The following PTPRT variants were observed in gnomAD, a reference collection of about 807,000 sequenced individuals.
PTPRT encodes protein tyrosine phosphatase receptor type T.
In PTPRT, 56 loss-of-function variants were observed where a neutral mutation model predicts 176.8. The ratio of observed to expected loss-of-function variants is 0.32; its 90% CI spans 0.26 to 0.40. PTPRT has a LOEUF of 0.40. PTPRT is among the 10% of genes least tolerant of loss of function. The pLI, the probability that PTPRT is intolerant of heterozygous loss-of-function variation, is 1.00. For missense variants in PTPRT, 1,540 were observed against 1,908.2 expected, an observed-to-expected ratio of 0.81 and a Z score of 3.60; for synonymous variants, 783 against 739.0, an observed-to-expected ratio of 1.06 and a Z score of -0.96.
intron 1 of PTPRT, among the ~76,000 whole-genome samples, chr20:43,140,114 A>ACTACATTG (rs1333306657): frequency 6.6e-6 from 1 of 152,186 alleles, no homozygotes; most frequent in African/African-American, 2.4e-5. Flanking sequence ...TATGCAAAAA[A>ACTACATTG]CTACATGTAT....
At chr20:42,408,885 G>A (rs2058986487) in intron 9 of PTPRT, among the ~76,000 whole-genome samples, 1 of 152,096 alleles carries the variant, frequency 6.6e-6, no homozygotes, top group African/African-American at 2.4e-5. Flanking sequence ...CTCTGCGCTT[G>A]CAAGATGTGC....
intron 6 of PTPRT, among the ~76,000 whole-genome samples, chr20:42,697,349 G>A (rs187991688): frequency 6.6e-6 from 1 of 152,354 alleles, no homozygotes; most frequent in Admixed American, 6.5e-5. Flanking sequence ...CAAACATTTG[G>A]TTAACCCAGT....
intron 11 of PTPRT, among the ~76,000 whole-genome samples, chr20:42,348,641 A>G (rs2058232286): frequency 6.6e-6 from 1 of 152,180 alleles, no homozygotes; most frequent in African/African-American, 2.4e-5. Flanking sequence ...AGTGTTATAT[A>G]TAGAGACAAG....
chr20:42,895,556 T>C (rs926446159), intron 1 of PTPRT, among the ~76,000 whole-genome samples: 3 of 152,176 alleles, frequency 2.0e-5, no homozygotes, highest in Non-Finnish European at 4.4e-5. Context: ...GCCAGGAATC[T>C]TGGGGGCTGT....
Position 42,606,920 on chromosome 20 carries a change from AT to A in PTPRT, c.1153+70945del, listed in dbSNP as rs1304999390. ...AGCTATTCATCATAGCTAAATTTTC[AT>A]CACAGCTAAAATGTGGAAGCAACCC... On this transcript the variant is annotated intron_variant, in intron 7 of 30. Transcript: ENST00000373187. The A allele has an allele frequency of 5.9e-5, 9 of 152,298 alleles. No individual in the cohort carries two copies. In the East Asian group the frequency reaches 1.7e-3, roughly 29 times the overall value. 9.4% of individuals were successfully genotyped at this position (152,298 alleles called of 1,614,324 possible). A position where few individuals can be genotyped will look rare whatever the true frequency, so the allele number is the denominator to read the frequency against.
At chr20:42,759,985 T>A (rs1157218049) in intron 5 of PTPRT, among the ~76,000 whole-genome samples, 3 of 152,172 alleles carry the variant, frequency 2.0e-5, no homozygotes, top group Non-Finnish European at 4.4e-5. Context: ...TAAGAAAGGA[T>A]GAGATCACAA....
chr20:42,895,652 A>G (rs1428221787), intron 1 of PTPRT, among the ~76,000 whole-genome samples: 1 of 152,200 alleles, frequency 6.6e-6, no homozygotes. Flanking sequence ...ACAATACAAA[A>G]AGAATGGGCA....
intron 9 of PTPRT, among the ~76,000 whole-genome samples, chr20:42,393,394 A>AAGC (rs1279159246): frequency 1.3e-5 from 2 of 152,194 alleles, no homozygotes; most frequent in Non-Finnish European, 2.9e-5. Context: ...CAGGAGAGAA[A>AAGC]AGCAGGTGAC....
intron 1 of PTPRT, among the ~76,000 whole-genome samples, chr20:43,100,500 C>A (rs545925249): frequency 6.6e-6 from 1 of 152,192 alleles, no homozygotes; most frequent in Admixed American, 6.5e-5. Flanking sequence ...AGAACAGTCA[C>A]TAAGGAGGCA....
intron 1 of PTPRT, among the ~76,000 whole-genome samples, chr20:43,124,327 T>C (rs916910001): frequency 4.6e-5 from 7 of 152,248 alleles, no homozygotes; most frequent in Non-Finnish European, 8.8e-5. Context: ...AATTACTGTT[T>C]AGTAATGATA....
intron 6 of PTPRT, among the ~76,000 whole-genome samples, chr20:42,700,168 A>C (rs988865246): frequency 6.6e-6 from 1 of 152,146 alleles, no homozygotes; most frequent in Non-Finnish European, 1.5e-5. Context: ...TTTTTCAGAA[A>C]ATTATCTCTG....
intron 7 of PTPRT, among the ~76,000 whole-genome samples, chr20:42,634,005 ATATATAATAT>A (rs1392909791): frequency 1.2e-4 from 3 of 24,288 alleles, no homozygotes; most frequent in African/African-American, 9.0e-4. Context: ...TATATTATAT[ATATATAATAT>A]ATATATAATA....
At chr20:42,920,069 A>G (rs1210391182) in intron 1 of PTPRT, among the ~76,000 whole-genome samples, 1 of 152,204 alleles carries the variant, frequency 6.6e-6, no homozygotes, top group Non-Finnish European at 1.5e-5. Flanking sequence ...GTCCTAGATG[A>G]TCAAGAACAT....
intron 9 of PTPRT, among the ~76,000 whole-genome samples, chr20:42,436,193 G>A (rs2059260731): frequency 6.6e-6 from 1 of 152,144 alleles, no homozygotes; most frequent in Non-Finnish European, 1.5e-5. Flanking sequence ...GTTTAGGGAA[G>A]AATTTCTTAA....
chr20:42,096,929 C>T (rs73907101), intron 27 of PTPRT, among the ~76,000 whole-genome samples: 1,620 of 152,140 alleles, frequency 0.011, 26 homozygotes, highest in African/African-American at 0.036. Context: ...ACTGTCAACC[C>T]TCCAGTGTTT....
intron 1 of PTPRT, among the ~76,000 whole-genome samples, chr20:43,172,129 C>T (rs2015016816): frequency 6.6e-6 from 1 of 152,172 alleles, no homozygotes. Context: ...GTTCTCTTAA[C>T]CTCAACCCCG....
chr20:43,119,240 C>T (rs753517578), intron 1 of PTPRT, among the ~76,000 whole-genome samples: 2 of 152,120 alleles, frequency 1.3e-5, no homozygotes, highest in Admixed American at 6.5e-5. Context: ...AAGAAGACAC[C>T]TTGTTTATCA....
chr20:42,532,336 T>A (rs1269583306), intron 7 of PTPRT, among the ~76,000 whole-genome samples: 1 of 152,188 alleles, frequency 6.6e-6, no homozygotes, highest in East Asian at 1.9e-4. Context: ...GTGCATGGCA[T>A]GATTCTAGAA....
chr20:42,841,266 C>T lies in PTPRT; in HGVS notation c.214+44541G>A, dbSNP rs568924778. Among the ~76,000 whole-genome samples the T allele has an allele frequency of 2.0e-5, 3 of 152,286 alleles. No homozygotes were observed. The South Asian group carries it at 6.2e-4, about 32-fold the overall frequency. On this transcript the variant is annotated intron_variant, in intron 2 of 30. Coordinates refer to ENST00000373187, the MANE Select transcript of PTPRT (RefSeq NM_007050.6). ...CTTTAAAATCTGCATTTGTCTGGACCTTGCTGTGCTATTACACAGCTGAAC... is the reference window on the plus strand; with the variant it reads ...CTTTAAAATCTGCATTTGTCTGGACTTTGCTGTGCTATTACACAGCTGAAC...
Sources: gnomAD v4.1 joint callset for allele counts (sites outside exome capture counted in the v4.1 genomes callset) on GRCh38, gnomAD v4.1.1 for gene constraint, MANE v1.5 for transcripts, NCBI Gene and HGNC (gene_info 2026-07-23, HGNC 2026-07-21) for gene names.